DMRT1: variants seen among roughly 807,000 people sequenced by gnomAD.
DMRT1 encodes doublesex and mab-3 related transcription factor 1.
A neutral mutation model predicts 32.3 loss-of-function variants in DMRT1; 7 were observed. The observed-to-expected ratio is 0.22, with a 90% CI of 0.12 to 0.41. The LOEUF (loss-of-function observed/expected upper bound fraction) is 0.41, where lower values mean the gene tolerates loss of function less well. DMRT1 is among the 10% of genes least tolerant of loss of function. The pLI, the probability that DMRT1 is intolerant of heterozygous loss-of-function variation, is 1.00. For synonymous variants in DMRT1, 278 were observed against 206.1 expected (o/e 1.35, Z -2.99); for missense variants, 625 against 500.5 (o/e 1.25, Z -2.37).
chr9:955,495 A>C (rs1275112387), intron 4 of DMRT1, among the ~76,000 whole-genome samples: 1 of 152,192 alleles, frequency 6.6e-6, no homozygotes, highest in African/African-American at 2.4e-5. Context: ...GCTTGAGCCC[A>C]GGAGTTCAAG....
rs563747118 is a variant in DMRT1, at chr9:844,846, G to A, written c.355-2114G>A. Among the ~76,000 whole-genome samples, 57 of 150,710 alleles carry A rather than the reference G, an allele frequency of 3.8e-4. 1 individual carries two copies. The highest frequency in any genetic ancestry group is 1.0e-3 in the African/African-American group (43 of 41,064). On this transcript the variant is annotated intron_variant, in intron 1 of 4. Transcript: ENST00000382276. ...AGCGATTCTTCTGCCTCGGCCTCCC[G>A]AGTAGCTGGGACTACAGGCACACGC...
chr9:896,474 G>A (rs12336038), intron 3 of DMRT1, among the ~76,000 whole-genome samples: 11 of 151,400 alleles, frequency 7.3e-5, no homozygotes, highest in Admixed American at 3.3e-4. Flanking sequence ...CCTCCACCTC[G>A]AGCTCCCGGC....
In DMRT1 at chr9:895,550, TA is replaced by T. The variant is rs377369230; in HGVS notation, c.822+1362del. Among the ~76,000 whole-genome samples, 77 of 152,260 alleles carry T rather than the reference TA, an allele frequency of 5.1e-4. 2 individuals are homozygous for T. In the South Asian group the frequency reaches 0.015, roughly 30 times the overall value. On this transcript the variant is annotated intron_variant, in intron 3 of 4. Coordinates refer to ENST00000382276, the MANE Select transcript of DMRT1 (RefSeq NM_021951.3). Reference sequence around the variant, plus strand: ...CCCAGCTTTATTGACGTATCATGGGTAAAAAAAGTTGTATATATTTAAGATG... The same window carrying T: ...CCCAGCTTTATTGACGTATCATGGGTAAAAAAGTTGTATATATTTAAGATG...
chr9:852,263 G>C (rs1815176411), intron 2 of DMRT1, among the ~76,000 whole-genome samples: 2 of 145,936 alleles, frequency 1.4e-5, no homozygotes. Context: ...TAAGCAAATA[G>C]TTTATTCCCA....
chr9:936,143 C>T (rs1818878318), intron 4 of DMRT1, among the ~76,000 whole-genome samples: 1 of 152,196 alleles, frequency 6.6e-6, no homozygotes, highest in African/African-American at 2.4e-5. Context: ...ATACATTTCT[C>T]TCTCTTTGGA....
chr9:863,258 CA>C (rs747717960), intron 2 of DMRT1, among the ~76,000 whole-genome samples: 24 of 148,878 alleles, frequency 1.6e-4, no homozygotes, highest in Non-Finnish European at 3.2e-4. Flanking sequence ...TTCAAGGCTG[CA>C]GTGAACAGTG....
intron 3 of DMRT1, among the ~76,000 whole-genome samples, chr9:901,215 A>G (rs1196542707): frequency 6.6e-6 from 1 of 152,048 alleles, no homozygotes; most frequent in Admixed American, 6.6e-5. Context: ...GGGTTTCACC[A>G]TGTTGCCTGG....
At chr9:887,455 A>G (rs1022952033) in intron 2 of DMRT1, among the ~76,000 whole-genome samples, 3 of 152,184 alleles carry the variant, frequency 2.0e-5, no homozygotes, top group Non-Finnish European at 2.9e-5. Context: ...TTGGTTCCCT[A>G]GAGGAGAACT....
intron 2 of DMRT1, among the ~76,000 whole-genome samples, chr9:887,165 C>G (rs1017945389): frequency 6.6e-6 from 1 of 152,186 alleles, no homozygotes; most frequent in East Asian, 1.9e-4. Flanking sequence ...CGCCACTGCA[C>G]TCCAGCCTGG....
intron 3 of DMRT1, among the ~76,000 whole-genome samples, chr9:902,027 A>C (rs1445265653): frequency 2.0e-5 from 3 of 148,040 alleles, no homozygotes; most frequent in African/African-American, 7.6e-5. Flanking sequence ...CTCCTGCCTC[A>C]GCGTCCTGAG....
Position 897,444 on chromosome 9 carries a change from A to G in DMRT1, c.822+3249A>G, listed in dbSNP as rs560186754. Among the ~76,000 whole-genome samples, 359 of 152,026 alleles carry G rather than the reference A, an allele frequency of 2.4e-3. 2 individuals are homozygous for G. Among genetic ancestry groups the G allele is most frequent in the African/African-American group, 7.5e-3 (311 of 41,482 alleles). ...AAGGGAGCTTTTAAAGCACATTGAT[A>G]TTGGAATTGAGAGGTAATATACGTA... On this transcript the variant is annotated intron_variant, in intron 3 of 4. Transcript: ENST00000382276.
intron 2 of DMRT1, among the ~76,000 whole-genome samples, chr9:862,084 A>G (rs1287361960): frequency 7.0e-6 from 1 of 142,568 alleles, no homozygotes; most frequent in Admixed American, 7.0e-5. Context: ...GACGCTCCTC[A>G]CTTCCTAGAC....
intron 2 of DMRT1, among the ~76,000 whole-genome samples, chr9:889,994 A>G (rs1461556220): frequency 6.6e-6 from 1 of 152,098 alleles, no homozygotes; most frequent in Non-Finnish European, 1.5e-5. Context: ...TGAGAAGCTC[A>G]TAAGGCTTTT....
At chr9:873,431 G>A (rs1213409866) in intron 2 of DMRT1, among the ~76,000 whole-genome samples, 2 of 151,516 alleles carry the variant, frequency 1.3e-5, no homozygotes, top group African/African-American at 2.4e-5. Context: ...TCAGACTCCT[G>A]AGTAGCTGGG....
intron 4 of DMRT1, among the ~76,000 whole-genome samples, chr9:923,401 A>G (rs556643500): frequency 6.6e-5 from 10 of 152,316 alleles, no homozygotes; most frequent in Admixed American, 1.3e-4. Flanking sequence ...TGGCAGTACC[A>G]AATGCTTCCC....
chr9:903,249 G>A (rs1345679502), intron 3 of DMRT1, among the ~76,000 whole-genome samples: 1 of 152,168 alleles, frequency 6.6e-6, no homozygotes, highest in Non-Finnish European at 1.5e-5. Flanking sequence ...GTAAGGAGCA[G>A]TGAGAGTCCT....
At chr9:888,194 C>T (rs1817004955) in intron 2 of DMRT1, among the ~76,000 whole-genome samples, 1 of 152,102 alleles carries the variant, frequency 6.6e-6, no homozygotes. Flanking sequence ...GGATGTAAGC[C>T]ATGAAACTCA....
At chr9:960,344 A>C (rs983724868) in intron 4 of DMRT1, among the ~76,000 whole-genome samples, 1 of 152,230 alleles carries the variant, frequency 6.6e-6, no homozygotes, top group African/African-American at 2.4e-5. Context: ...GTGTGTTGTC[A>C]CTTTTTTTCC....
At chr9:939,792 C>A (rs1193528469) in intron 4 of DMRT1, among the ~76,000 whole-genome samples, 1 of 152,192 alleles carries the variant, frequency 6.6e-6, no homozygotes, top group Non-Finnish European at 1.5e-5. Flanking sequence ...ATAGATACTA[C>A]ATATTTTTCC....
Sources: gnomAD v4.1 joint callset for allele counts (sites outside exome capture counted in the v4.1 genomes callset) on GRCh38, gnomAD v4.1.1 for gene constraint, MANE v1.5 for transcripts, NCBI Gene and HGNC (gene_info 2026-07-23, HGNC 2026-07-21) for gene names.